Variants in MPP7 observed in about 807,000 individuals in gnomAD.
MPP7 encodes MAGUK p55 scaffold protein 7, also known as MAGUK p55 subfamily member 7.
MPP7 carries 60 observed loss-of-function variants against 76.5 expected under a neutral mutation model. That is an observed-to-expected ratio of 0.78 (90% CI 0.64 to 0.97). The LOEUF (loss-of-function observed/expected upper bound fraction) is 0.97, where lower values mean the gene tolerates loss of function less well. Ranked by LOEUF, MPP7 falls within the 50% of genes least tolerant of loss-of-function variation. The pLI, the probability that MPP7 is intolerant of heterozygous loss-of-function variation, is 0.00. For missense variants in MPP7, 641 were observed against 694.0 expected, an observed-to-expected ratio of 0.92 and a Z score of 0.86; for synonymous variants, 237 against 244.5, an observed-to-expected ratio of 0.97 and a Z score of 0.29.
intron 1 of MPP7, among the ~76,000 whole-genome samples, chr10:28,250,013 CAA>C (rs34565971): frequency 0.018 from 2,663 of 145,378 alleles, 42 homozygotes; most frequent in Non-Finnish European, 0.028. Context: ...TTGAAAGTCT[CAA>C]AAAAAAAAAA....
At chr10:28,133,265 A>G (rs1324754690) in intron 5 of MPP7, among the ~76,000 whole-genome samples, 2 of 152,190 alleles carry the variant, frequency 1.3e-5, no homozygotes, top group Non-Finnish European at 2.9e-5. Flanking sequence ...AAATCACATA[A>G]CTACCCCTTA....
At chr10:28,070,787 G>A (rs1394908478) in intron 12 of MPP7, among the ~76,000 whole-genome samples, 2 of 152,192 alleles carry the variant, frequency 1.3e-5, no homozygotes, top group African/African-American at 4.8e-5. Context: ...CTTAAAGGAA[G>A]TCACCGGTTA....
At chr10:28,310,800 T>C (rs10826447) in intron 2 of MPP7, among the ~76,000 whole-genome samples, 53,323 of 151,716 alleles carry the variant, frequency 0.35, 9,545 homozygotes, top group East Asian at 0.54. Context: ...CACTTTACCC[T>C]GCACTGATCT....
At chr10:28,330,990 A>G (rs555784230) in intron 1 of MPP7, among the ~76,000 whole-genome samples, 7 of 152,260 alleles carry the variant, frequency 4.6e-5, no homozygotes, top group Non-Finnish European at 5.9e-5. Flanking sequence ...TTAACACAGT[A>G]CCGTATTCAT....
At chr10:28,159,921 A>C (rs1389870903) in intron 3 of MPP7, among the ~76,000 whole-genome samples, 1 of 152,214 alleles carries the variant, frequency 6.6e-6, no homozygotes, top group East Asian at 1.9e-4. Context: ...GTACAACAAC[A>C]AAAAGCCACA....
At chr10:28,136,080 A>T (rs1285555300) in intron 5 of MPP7, among the ~76,000 whole-genome samples, 1 of 151,768 alleles carries the variant, frequency 6.6e-6, no homozygotes, top group Non-Finnish European at 1.5e-5. Flanking sequence ...GTATGCGAGG[A>T]TCTAGGTTGC....
intron 5 of MPP7, among the ~76,000 whole-genome samples, chr10:28,137,470 G>A (rs913587625): frequency 1.3e-5 from 2 of 152,182 alleles, no homozygotes; most frequent in African/African-American, 4.8e-5. Flanking sequence ...AGAGATAGCT[G>A]AATAAAATGT....
chr10:28,195,319 A>G (rs1337067334), intron 3 of MPP7, among the ~76,000 whole-genome samples: 1 of 152,234 alleles, frequency 6.6e-6, no homozygotes, highest in Non-Finnish European at 1.5e-5. Context: ...TCAGCCACTT[A>G]GAAAAATAGT....
intron 1 of MPP7, among the ~76,000 whole-genome samples, chr10:28,251,128 C>T (rs899679174): frequency 6.6e-6 from 1 of 152,150 alleles, no homozygotes; most frequent in Non-Finnish European, 1.5e-5. Context: ...TTAATCTGAA[C>T]AAATAACATA....
At chr10:28,326,682 T>A (rs1229114665) in intron 2 of MPP7, among the ~76,000 whole-genome samples, 1 of 152,202 alleles carries the variant, frequency 6.6e-6, no homozygotes, top group East Asian at 1.9e-4. Flanking sequence ...TCAAATTGCC[T>A]GTCCACAGCG....
chr10:28,052,913 T>C lies in MPP7; in HGVS notation c.*1152A>G, dbSNP rs1301727299. On this transcript the variant is annotated 3_prime_UTR_variant, in exon 17 of 17. Transcript: ENST00000683449. ...ATTTCTAGCATTTTGAATTATATAA[T>C]TCACTTGCTGAAAATCAGTAGTATC... is the stretch of plus-strand genomic sequence containing the variant. 1.3e-5 allele frequency: 2 copies of C among 152,188 alleles called. No individual in the cohort carries two copies. The highest frequency in any genetic ancestry group is 4.8e-5 in the African/African-American group (2 of 41,462). 9.4% of individuals were successfully genotyped at this position (152,188 alleles called of 1,614,324 possible).
intron 2 of MPP7, chr10:28,236,691 C>T (rs1032209251): frequency 2.6e-5 from 4 of 151,968 alleles, no homozygotes; most frequent in African/African-American, 9.7e-5. Flanking sequence ...TTACACAGAA[C>T]GTATTTTCCC....
At chr10:28,271,270 T>C (rs1352605672) in intron 1 of MPP7, among the ~76,000 whole-genome samples, 1 of 152,192 alleles carries the variant, frequency 6.6e-6, no homozygotes, top group Middle Eastern at 3.2e-3. Context: ...TGAAAAACAT[T>C]TGTTTTACTT....
At chr10:28,086,934 T>A (rs1458674846) in intron 12 of MPP7, among the ~76,000 whole-genome samples, 1 of 151,944 alleles carries the variant, frequency 6.6e-6, no homozygotes, top group Admixed American at 6.6e-5. Flanking sequence ...TCTGGAGAGG[T>A]GGCCTCCAAG....
chr10:28,153,646 T>C (rs781334488), intron 3 of MPP7, among the ~76,000 whole-genome samples: 15 of 152,174 alleles, frequency 9.9e-5, no homozygotes, highest in Non-Finnish European at 1.8e-4. Flanking sequence ...TTCCTAAAAA[T>C]AAATGTTTAA....
chr10:28,174,186 T>C (rs184492788), intron 3 of MPP7, among the ~76,000 whole-genome samples: 15 of 152,174 alleles, frequency 9.9e-5, no homozygotes, highest in Non-Finnish European at 8.8e-5. Flanking sequence ...TGTCATACAC[T>C]GATCGTGGCA....
intron 3 of MPP7, among the ~76,000 whole-genome samples, chr10:28,175,883 A>C (rs1836843282): frequency 6.6e-6 from 1 of 152,202 alleles, no homozygotes; most frequent in South Asian, 2.1e-4. Flanking sequence ...GTTACCATCA[A>C]TATACTGTAT....
At chr10:28,182,327 T>C (rs1837085974) in intron 3 of MPP7, among the ~76,000 whole-genome samples, 1 of 152,214 alleles carries the variant, frequency 6.6e-6, no homozygotes, top group Non-Finnish European at 1.5e-5. Context: ...TTTTAATTAA[T>C]GGTCTGGATT....
intron 11 of MPP7, among the ~76,000 whole-genome samples, chr10:28,093,103 G>A (rs778986834): frequency 6.6e-6 from 1 of 152,090 alleles, no homozygotes; most frequent in Non-Finnish European, 1.5e-5. Context: ...GATGATACAT[G>A]AGCTACTCTA....
Sources: gnomAD v4.1 joint callset for allele counts (sites outside exome capture counted in the v4.1 genomes callset) on GRCh38, gnomAD v4.1.1 for gene constraint, MANE v1.5 for transcripts, NCBI Gene and HGNC (gene_info 2026-07-23, HGNC 2026-07-21) for gene names.